PCNX1: variants seen among roughly 807,000 people sequenced by gnomAD.
PCNX1 encodes pecanex 1.
Under a neutral mutation model 242.2 loss-of-function variants are expected in PCNX1, and 78 were observed. That is an observed-to-expected ratio of 0.32 (90% CI 0.27 to 0.39). PCNX1 has a LOEUF of 0.39. Among genes scored for constraint, PCNX1 ranks in the 10% least tolerant of loss-of-function variants. The pLI, the probability that PCNX1 is intolerant of heterozygous loss-of-function variation, is 1.00. For synonymous variants in PCNX1, 1,024 were observed against 1,032.9 expected (o/e 0.99, Z 0.17); for missense variants, 2,581 against 2,856.5 (o/e 0.90, Z 2.20).
intron 19 of PCNX1, among the ~76,000 whole-genome samples, chr14:71,036,972 G>A (rs573190108): frequency 5.5e-4 from 84 of 151,766 alleles, no homozygotes; most frequent in Middle Eastern, 6.8e-3. Context: ...CTTGAGCAGC[G>A]GTTTGTAGTT....
rs1469667852 is a variant in PCNX1 at position 70,971,433 on chromosome 14, C to T, written c.604+2323C>T. ...TGCTGGGATTACAGGCGTGAGCCAC[C>T]GCGCCCGGCCTATAGTTTTAAAACT... On this transcript the variant is annotated intron_variant, in intron 5 of 35. Coordinates refer to ENST00000304743, the MANE Select transcript of PCNX1 (RefSeq NM_014982.3). Among the ~76,000 whole-genome samples, 2 of 13,376 alleles carry T rather than the reference C, an allele frequency of 1.5e-4. 1 individual carries two copies. The highest frequency in any genetic ancestry group is 1.0e-3 in the Admixed American group (2 of 2,008). 8.8% of individuals were successfully genotyped at this position (13,376 alleles called of 152,430 possible). A position where few individuals can be genotyped will look rare whatever the true frequency, so the allele number is the denominator to read the frequency against.
At chr14:70,926,698 T>TG (rs1481747487) in intron 1 of PCNX1, among the ~76,000 whole-genome samples, 2 of 151,516 alleles carry the variant, frequency 1.3e-5, no homozygotes, top group Non-Finnish European at 2.9e-5. Context: ...ATGTTCTCAG[T>TG]GGGTGTGGTG....
intron 8 of PCNX1, among the ~76,000 whole-genome samples, chr14:71,005,581 A>C (rs942095215): frequency 2.0e-5 from 3 of 151,796 alleles, no homozygotes; most frequent in African/African-American, 7.3e-5. Context: ...TTCTTGATGT[A>C]CTCAACTTCG....
At chr14:71,008,533 G>A (rs1307532275) in intron 8 of PCNX1, among the ~76,000 whole-genome samples, 2 of 151,814 alleles carry the variant, frequency 1.3e-5, no homozygotes, top group African/African-American at 4.8e-5. Context: ...GCGGGCGCCT[G>A]TAGTCCCAGC....
At chr14:70,913,537 G>A (rs2056020067) in intron 1 of PCNX1, among the ~76,000 whole-genome samples, 1 of 152,150 alleles carries the variant, frequency 6.6e-6, no homozygotes. Context: ...AATCTGTGGA[G>A]AGATTATATT....
rs898931925 is a variant in PCNX1 at position 70,960,977 on chromosome 14, A to C, written c.363-1249A>C. 2.6e-3 allele frequency among the ~76,000 whole-genome samples: 403 copies of C among 152,236 alleles called. 7 individuals carry two copies. The highest frequency in any genetic ancestry group is 3.8e-4 in the Non-Finnish European group (26 of 68,030). ...TTACAAGGGATGTGAAGGACCTCTT[A>C]ATGGAGAACTACAAACCACTGCTCA... is the stretch of plus-strand genomic sequence containing the variant. On this transcript the variant is annotated intron_variant, in intron 2 of 35. Transcript: ENST00000304743.
intron 26 of PCNX1, among the ~76,000 whole-genome samples, chr14:71,065,897 C>T (rs1048187838): frequency 2.0e-5 from 3 of 152,168 alleles, no homozygotes; most frequent in Non-Finnish European, 4.4e-5. Context: ...TTGTTTTTGT[C>T]AGGTTTGTCA....
In PCNX1 at chr14:71,108,864, C is replaced by T; in HGVS notation, c.6562C>T (p.His2188Tyr). 1 of 1,614,232 alleles carries T rather than the reference C, an allele frequency of 6.2e-7. No homozygotes were observed. Among genetic ancestry groups the T allele is most frequent in the Non-Finnish European group, 8.5e-7 (1 of 1,180,044 alleles). The stretch of plus-strand genomic sequence containing the variant: ...TCAGAGCGGCCTGGCCTGTGTGCAG[C>T]ACGGCCTGCCTTCCTCCAGCAGCTC... ...SGQSGLACVQ[H>Y]GLPSSSSSSQ... The change falls in exon 34 of 36, where the codon CAC (histidine) becomes TAC (tyrosine). Residue 2188 changes from histidine to tyrosine, a missense_variant. Physicochemically the swap from His to Tyr is moderately conservative, Grantham distance 83. Around this residue, in one of 9 missense-constraint regions of PCNX1, gnomAD observed 432 missense variants for 433.6 expected, o/e 1.00. Coordinates refer to ENST00000304743, the MANE Select transcript of PCNX1 (RefSeq NM_014982.3).
In PCNX1 at chr14:71,011,605, T is replaced by C. The variant is rs2059822849; in HGVS notation, c.2778+56T>C. 11 of 1,007,154 alleles carry C rather than the reference T, an allele frequency of 1.1e-5. 1 individual carries two copies. The South Asian group carries it at 1.4e-4, about 13-fold the overall frequency. The allele number at this position is 1,007,154 out of a possible 1,614,324, so 62.4% of individuals were successfully genotyped here. On this transcript the variant is annotated intron_variant, in intron 10 of 35. Coordinates refer to ENST00000304743, the MANE Select transcript of PCNX1 (RefSeq NM_014982.3). ...AAATTTTCAGATTAAATCTGAAATA[T>C]GTATTTACATAGATAGCTATAAAAG...
chr14:71,109,914 A>G lies in PCNX1; in HGVS notation c.7005A>G (p.Leu2335=). Residue 2335 remains leucine, a synonymous_variant, in exon 36 of 36, where the codon CTA becomes CTG. Coordinates refer to ENST00000304743, the MANE Select transcript of PCNX1 (RefSeq NM_014982.3). ...TGACTGTAATTGAAACTGGGGTACT[A>G]GAACTTGGGGCTGAAGTGTGAGCCA... is the stretch of plus-strand genomic sequence containing the variant. ...KYVTVIETGV[L]ELGAEV is the part of the protein sequence containing the mutation. 2 of 1,613,552 alleles carry G rather than the reference A, an allele frequency of 1.2e-6. No homozygotes were observed. The highest frequency in any genetic ancestry group is 1.3e-5 in the African/African-American group (1 of 75,014).
At chr14:71,083,723 C>T (rs963409449) in intron 28 of PCNX1, among the ~76,000 whole-genome samples, 1 of 152,050 alleles carries the variant, frequency 6.6e-6, no homozygotes, top group Non-Finnish European at 1.5e-5. Flanking sequence ...CTTCTCTAAA[C>T]TGGTTATTCT....
intron 28 of PCNX1, among the ~76,000 whole-genome samples, chr14:71,078,303 T>G (rs1013849930): frequency 2.0e-5 from 3 of 152,228 alleles, no homozygotes; most frequent in African/African-American, 7.2e-5. Context: ...AACCTTTTCC[T>G]GGGGACATTA....
chr14:70,919,999 T>A (rs1320612463), intron 1 of PCNX1, among the ~76,000 whole-genome samples: 1 of 152,040 alleles, frequency 6.6e-6, no homozygotes, highest in Non-Finnish European at 1.5e-5. Context: ...GGAAGATTAA[T>A]CACAACTTTG....
intron 4 of PCNX1, 25 bp downstream of exon 4, chr14:70,968,268 T>G: frequency 6.4e-7 from 1 of 1,569,110 alleles, no homozygotes; most frequent in Non-Finnish European, 8.8e-7. Context: ...ACTTAAAAGT[T>G]GCACCTGCCT....
chr14:71,060,288 A>G (rs1482408514), intron 26 of PCNX1, among the ~76,000 whole-genome samples: 1 of 152,230 alleles, frequency 6.6e-6, no homozygotes, highest in Non-Finnish European at 1.5e-5. Context: ...ACAATTATGT[A>G]CAGTACATAG....
In PCNX1 at chr14:71,067,049, G is replaced by T. The variant is rs1239106481; in HGVS notation, c.4853-6496G>T. ...AGGATTTTCTCATTGATGTTCATCA[G>T]GTATATTGGCCTGAAATTTTCTTTT... is the stretch of plus-strand genomic sequence containing the variant. On this transcript the variant is annotated intron_variant, in intron 26 of 35. Transcript: ENST00000304743. Among the ~76,000 whole-genome samples, 8 of 151,944 alleles carry T rather than the reference G, an allele frequency of 5.3e-5. No individual in the cohort carries two copies. The East Asian group carries it at 5.8e-4, about 11-fold the overall frequency.
At chr14:71,026,081 T>G (rs1232633290) in intron 13 of PCNX1, 36 bp from the exon 14 acceptor site, 2 of 1,413,950 alleles carry the variant, frequency 1.4e-6, no homozygotes, top group Non-Finnish European at 1.9e-6. Context: ...ACTCTTAAAA[T>G]TAACCAAACT....
chr14:70,951,384 T>C (rs2057771932), intron 2 of PCNX1, among the ~76,000 whole-genome samples: 1 of 152,106 alleles, frequency 6.6e-6, no homozygotes, highest in South Asian at 2.1e-4. Context: ...GGTTGGTTGG[T>C]TGTTTGTTTT....
chr14:71,057,187 T>C (rs2061206296), intron 25 of PCNX1, among the ~76,000 whole-genome samples: 1 of 152,204 alleles, frequency 6.6e-6, no homozygotes, highest in African/African-American at 2.4e-5. Flanking sequence ...CTTCCATGGT[T>C]TTAATTATAA....
Sources: allele counts gnomAD v4.1 joint callset (sites outside exome capture counted in the v4.1 genomes callset), GRCh38; gene constraint gnomAD v4.1.1; regional missense constraint gnomAD v4.1.1; transcripts MANE v1.5; gene names NCBI Gene and HGNC (gene_info 2026-07-23, HGNC 2026-07-21).